Variants in HVCN1 observed in about 807,000 individuals in gnomAD.
HVCN1 encodes hydrogen voltage gated channel 1.
A neutral mutation model predicts 29.2 loss-of-function variants in HVCN1; 14 were observed. That is an observed-to-expected ratio of 0.48 (90% confidence interval 0.32 to 0.75). HVCN1 has a LOEUF of 0.75. Among genes scored for constraint, HVCN1 ranks in the 30% least tolerant of loss-of-function variants. The pLI, the probability that HVCN1 is intolerant of heterozygous loss-of-function variation, is 0.04. For synonymous variants in HVCN1, 131 were observed against 133.2 expected (o/e 0.98, Z 0.11); for missense variants, 263 against 341.8 (o/e 0.77, Z 1.82).
intron 3 of HVCN1, among the ~76,000 whole-genome samples, chr12:110,681,231 T>C (rs2068958282): frequency 6.6e-6 from 1 of 152,238 alleles, no homozygotes; most frequent in Admixed American, 6.5e-5. Context: ...TTCTTCATAG[T>C]ACATAAAATA....
chr12:110,652,301 G>A (rs967422373), intron 5 of HVCN1, among the ~76,000 whole-genome samples: 1 of 152,238 alleles, frequency 6.6e-6, no homozygotes, highest in African/African-American at 2.4e-5. Context: ...GCTGAGGCAG[G>A]AGAATTGCTT....
At chr12:110,653,666 A>C (rs1452813911) in intron 5 of HVCN1, among the ~76,000 whole-genome samples, 2 of 151,876 alleles carry the variant, frequency 1.3e-5, no homozygotes, top group Non-Finnish European at 2.9e-5. Context: ...ACATGGTGAA[A>C]TCTCATCTCT....
intron 2 of HVCN1, among the ~76,000 whole-genome samples, chr12:110,687,288 C>G (rs764508609): frequency 6.6e-6 from 1 of 150,682 alleles, no homozygotes. Flanking sequence ...ACTGGGAAGC[C>G]AGCCAGCCAG....
chr12:110,664,983 A>G (rs1393298570), intron 3 of HVCN1, among the ~76,000 whole-genome samples: 2 of 152,166 alleles, frequency 1.3e-5, no homozygotes, highest in East Asian at 3.9e-4. Context: ...CATTCAACAG[A>G]AATCCCAGAA....
chr12:110,680,523 A>C (rs1474598538), intron 3 of HVCN1, among the ~76,000 whole-genome samples: 1 of 152,232 alleles, frequency 6.6e-6, no homozygotes, highest in Non-Finnish European at 1.5e-5. Flanking sequence ...AACAAAAGAA[A>C]GGGAAATAAA....
chr12:110,670,772 CCCCTGGA>C (rs1390920836), intron 3 of HVCN1, among the ~76,000 whole-genome samples: 2 of 152,076 alleles, frequency 1.3e-5, no homozygotes, highest in Non-Finnish European at 2.9e-5. Context: ...AATTCCTGTC[CCCCTGGA>C]CCCTTAGAAT....
intron 5 of HVCN1, among the ~76,000 whole-genome samples, chr12:110,651,901 G>A (rs1490872956): frequency 2.0e-5 from 3 of 152,230 alleles, no homozygotes; most frequent in African/African-American, 7.2e-5. Flanking sequence ...TGGGTGTGGT[G>A]GCTCGAGCCA....
rs148205443 is a variant in HVCN1, at chr12:110,684,733, C to T, written c.-19-1469G>A. Among the ~76,000 whole-genome samples the T allele has an allele frequency of 2.2e-3, 339 of 152,230 alleles. 2 individuals carry two copies. Among genetic ancestry groups the T allele is most frequent in the African/African-American group, 7.7e-3 (318 of 41,534 alleles). ...ACAATGAGTAGGTGTTACTTTAAAA[C>T]GTTATTTTTAACATAGGTGATCTAT... On this transcript the variant is annotated intron_variant, in intron 2 of 7. Coordinates refer to ENST00000242607, the MANE Select transcript of HVCN1 (RefSeq NM_032369.4).
At chr12:110,702,006 C>A (rs1000208336) in intron 2 of HVCN1, among the ~76,000 whole-genome samples, 1 of 149,014 alleles carries the variant, frequency 6.7e-6, no homozygotes, top group Non-Finnish European at 1.5e-5. Context: ...AGTGCAATGG[C>A]ACGATCTTAG....
chr12:110,686,252 C>T (rs1258948099), intron 2 of HVCN1, among the ~76,000 whole-genome samples: 1 of 152,120 alleles, frequency 6.6e-6, no homozygotes. Flanking sequence ...TGATCCGTTG[C>T]CTCAGCCTCC....
intron 2 of HVCN1, among the ~76,000 whole-genome samples, chr12:110,701,568 G>T (rs1004860020): frequency 5.9e-5 from 9 of 152,054 alleles, no homozygotes; most frequent in African/African-American, 1.4e-4. Context: ...ATTAAAACAG[G>T]TCCCTGAGCT....
intron 2 of HVCN1, among the ~76,000 whole-genome samples, chr12:110,696,758 A>G (rs2069499222): frequency 6.6e-6 from 1 of 152,158 alleles, no homozygotes; most frequent in Non-Finnish European, 1.5e-5. Flanking sequence ...ATGGTCCTTC[A>G]TTCCTTTTAT....
chr12:110,687,437 G>A (rs561734426), intron 2 of HVCN1, among the ~76,000 whole-genome samples: 108 of 152,320 alleles, frequency 7.1e-4, no homozygotes, highest in African/African-American at 2.5e-3. Context: ...GGAAGAACAC[G>A]TGTGCTGTGC....
At chr12:110,697,649 CTTT>C (rs570801385) in intron 2 of HVCN1, among the ~76,000 whole-genome samples, 7 of 134,208 alleles carry the variant, frequency 5.2e-5, no homozygotes, top group Admixed American at 7.5e-5. Context: ...CGCGAAGCAT[CTTT>C]TTTTTTTTTT....
At chr12:110,683,826 G>A (rs1208957512) in intron 2 of HVCN1, among the ~76,000 whole-genome samples, 1 of 149,634 alleles carries the variant, frequency 6.7e-6, no homozygotes, top group African/African-American at 2.5e-5. Flanking sequence ...CAGGAGAATC[G>A]CTTGAACCCA....
chr12:110,661,380 G>C lies in HVCN1; in HGVS notation c.90C>G (p.Val30=), dbSNP rs1178621167. The change falls in exon 4 of 8, where the codon GTC becomes GTG. Residue 30 remains valine (V), a synonymous_variant. Coordinates refer to ENST00000242607, the MANE Select transcript of HVCN1 (RefSeq NM_032369.4). The surrounding 1 kb of genome is among the most constrained non-coding windows in gnomAD (Gnocchi z 6.2). ...TCCAGGCATGGTAGTCGTCTCCCACGACCGTGAAGTGCCTTAAGAACTTGC... is the reference window on the plus strand; with the variant it reads ...TCCAGGCATGGTAGTCGTCTCCCACCACCGTGAAGTGCCTTAAGAACTTGC... ...RMSKFLRHFT[V]VGDDYHAWNI... 1 of 1,613,994 alleles carries C rather than the reference G, an allele frequency of 6.2e-7. No individual in the cohort carries two copies. Among genetic ancestry groups the C allele is most frequent in the African/African-American group, 1.3e-5 (1 of 74,908 alleles).
intron 4 of HVCN1, among the ~76,000 whole-genome samples, chr12:110,656,649 C>T (rs17682012): frequency 0.12 from 17,722 of 152,138 alleles, 1,378 homozygotes; most frequent in African/African-American, 0.22. Context: ...AATTAACCTG[C>T]CATTATCTTG....
chr12:110,671,469 C>G (rs1296793120), intron 3 of HVCN1, among the ~76,000 whole-genome samples: 1 of 152,122 alleles, frequency 6.6e-6, no homozygotes, highest in African/African-American at 2.4e-5. Context: ...CATCCCAAAG[C>G]GTCCAGGAGC....
chr12:110,680,187 C>T (rs2068908911), intron 3 of HVCN1, among the ~76,000 whole-genome samples: 2 of 152,330 alleles, frequency 1.3e-5, no homozygotes, highest in South Asian at 4.1e-4. Context: ...GGCTCTTTCC[C>T]CAGCCCCCCA....
Sources: allele counts gnomAD v4.1 joint callset (sites outside exome capture counted in the v4.1 genomes callset), GRCh38; gene constraint gnomAD v4.1.1; non-coding constraint Gnocchi (gnomAD v3.1); transcripts MANE v1.5; gene names NCBI Gene and HGNC (gene_info 2026-07-23, HGNC 2026-07-21).